UGT2B7: variants seen among roughly 807,000 people sequenced by gnomAD.
UGT2B7 encodes the protein UDP-glucuronosyltransferase 2B7.
UGT2B7 carries 51 observed loss-of-function variants against 51.9 expected under a neutral mutation model. The ratio of observed to expected loss-of-function variants is 0.98; its 90% CI spans 0.78 to 1.24. The LOEUF (loss-of-function observed/expected upper bound fraction) is 1.24. UGT2B7 is among the 50% of genes most tolerant of loss of function. The pLI is 0.00. For synonymous variants in UGT2B7, 225 were observed against 211.6 expected (o/e 1.06, Z -0.55); for missense variants, 727 against 628.4 (o/e 1.16, Z -1.68).
intron 5 of UGT2B7, among the ~76,000 whole-genome samples, chr4:69,111,493 C>T (rs1047816103): frequency 2.0e-5 from 3 of 152,096 alleles, no homozygotes; most frequent in African/African-American, 7.2e-5. Flanking sequence ...TGCATTTTCA[C>T]GATCTTTCTC....
At chr4:69,070,345 A>G (rs1308865563) in intron 1 of UGT2B7, among the ~76,000 whole-genome samples, 1 of 148,882 alleles carries the variant, frequency 6.7e-6, no homozygotes, top group South Asian at 2.1e-4. Flanking sequence ...GTTCGGAAGC[A>G]CATGTGCAAA....
chr4:69,101,511 T>C (rs1375008068), intron 2 of UGT2B7, among the ~76,000 whole-genome samples: 1 of 152,106 alleles, frequency 6.6e-6, no homozygotes, highest in African/African-American at 2.4e-5. Context: ...ATCAAGCTAG[T>C]GAGATGAAAC....
At chr4:69,109,808 CA>C (rs1447870642) in intron 5 of UGT2B7, among the ~76,000 whole-genome samples, 10 of 151,940 alleles carry the variant, frequency 6.6e-5, no homozygotes, top group African/African-American at 2.4e-4. Flanking sequence ...ACCATCAATT[CA>C]GCATTTATAG....
At chr4:69,071,385 AATACC>A (rs1308777997) in intron 1 of UGT2B7, among the ~76,000 whole-genome samples, 3 of 152,158 alleles carry the variant, frequency 2.0e-5, no homozygotes, top group Admixed American at 6.6e-5. Flanking sequence ...TAAAGAGCCA[AATACC>A]ATGTGCAACA....
intron 1 of UGT2B7, chr4:69,066,486 A>T (rs1347060347): frequency 1.3e-5 from 2 of 152,072 alleles, no homozygotes; most frequent in Admixed American, 6.6e-5. Context: ...TCTCGGTAAG[A>T]CTCTGAGGAT....
At chr4:69,097,277 A>C in intron 1 of UGT2B7, 36 bp downstream of exon 1, 2 of 1,585,032 alleles carry the variant, frequency 1.3e-6, no homozygotes, top group Non-Finnish European at 1.7e-6. Context: ...ATGAAGCTCT[A>C]ACTTATTTGT....
At chr4:69,095,786 C>G (rs114345653), upstream of UGT2B7, among the ~76,000 whole-genome samples, 2 of 152,078 alleles carry the variant, frequency 1.3e-5, no homozygotes, top group Non-Finnish European at 2.9e-5. Context: ...AACATGTATA[C>G]GCTATATCAT....
At chr4:69,065,587 T>C (rs1373146792) in intron 1 of UGT2B7, among the ~76,000 whole-genome samples, 1 of 152,216 alleles carries the variant, frequency 6.6e-6, no homozygotes, top group Non-Finnish European at 1.5e-5. Flanking sequence ...AAATTTTTTC[T>C]TGGAAGAAGC....
chr4:69,071,934 T>A (rs1255135830), intron 1 of UGT2B7, among the ~76,000 whole-genome samples: 1 of 152,110 alleles, frequency 6.6e-6, no homozygotes, highest in African/African-American at 2.4e-5. Flanking sequence ...TATATTTTTT[T>A]ATGAAACAAC....
chr4:69,108,132 C>A lies in UGT2B7; in HGVS notation c.1120C>A (p.His374Asn). 1 of 1,613,578 alleles carries A rather than the reference C, an allele frequency of 6.2e-7. No individual in the cohort carries two copies. The change falls in exon 5 of 6, where the codon CAT (histidine) becomes AAT (asparagine). Residue 374 changes from histidine to asparagine, a missense_variant. By Grantham distance (68) the His-to-Asn change is moderately conservative. Transcript: ENST00000305231. ...TCCAAAGACCAGAGCTTTTATAACT[C>A]ATGGTGGAGCCAATGGCATCTACGA... is the stretch of plus-strand genomic sequence containing the variant. ...GHPKTRAFITHGGANGIYEAI... is the reference protein window; with the variant it reads ...GHPKTRAFITNGGANGIYEAI...
Position 69,096,635 on chromosome 4 carries a change from A to T in UGT2B7, c.115A>T (p.Ile39Leu). ...WAAEYSHWMN[I>L]KTILDELIQR... ...AGCAGAATACAGCCATTGGATGAAT[A>T]TAAAGACAATCCTGGATGAGCTTAT... The change falls in exon 1 of 6, where the codon ATA (isoleucine) becomes TTA (leucine). Residue 39 changes from isoleucine (I) to leucine (L), a missense_variant. Transcript: ENST00000305231. 1 of 1,614,036 alleles carries T rather than the reference A, an allele frequency of 6.2e-7. No individual in the cohort carries two copies. The highest frequency in any genetic ancestry group is 8.5e-7 in the Non-Finnish European group (1 of 1,179,906).
At chr4:69,091,754 C>G (rs1719090033), upstream of UGT2B7, among the ~76,000 whole-genome samples, 1 of 152,040 alleles carries the variant, frequency 6.6e-6, no homozygotes, top group Admixed American at 6.6e-5. Context: ...GAGCCATTAG[C>G]TTAATGTCAA....
At chr4:69,075,973 C>T (rs1005086594) in intron 1 of UGT2B7, among the ~76,000 whole-genome samples, 2 of 152,024 alleles carry the variant, frequency 1.3e-5, no homozygotes, top group Non-Finnish European at 2.9e-5. Flanking sequence ...TGTTCCCCTC[C>T]CTGTGTCCAT....
At chr4:69,107,945 T>C (rs1355093290) in intron 4 of UGT2B7, among the ~76,000 whole-genome samples, 158 bp from the exon 5 acceptor site, 1 of 152,186 alleles carries the variant, frequency 6.6e-6, no homozygotes, top group Non-Finnish European at 1.5e-5. Context: ...TTCAGTTACA[T>C]ACCCAGTACA....
chr4:69,112,257 G>T (rs1385975586), intron 5 of UGT2B7, among the ~76,000 whole-genome samples, 200 bp from the exon 6 acceptor site: 2 of 152,130 alleles, frequency 1.3e-5, no homozygotes, highest in African/African-American at 4.8e-5. Flanking sequence ...AATCGATCAT[G>T]ACCCTCTCAC....
At chr4:69,064,607 T>G (rs1718448919) in intron 1 of UGT2B7, among the ~76,000 whole-genome samples, 1 of 152,232 alleles carries the variant, frequency 6.6e-6, no homozygotes, top group African/African-American at 2.4e-5. Flanking sequence ...CCTCTGTATC[T>G]CTGCTTTCAT....
intron 1 of UGT2B7, among the ~76,000 whole-genome samples, chr4:69,064,034 A>AAGACAGAAAGAAAGAC (rs1265440624): frequency 2.2e-5 from 2 of 91,008 alleles, no homozygotes; most frequent in Admixed American, 2.1e-4. Context: ...GAAAGAAAGA[A>AAGACAGAAAGAAAGAC]AGAAAGAAAG....
chr4:69,080,620 G>A (rs1206419202), intron 1 of UGT2B7, among the ~76,000 whole-genome samples: 7 of 151,592 alleles, frequency 4.6e-5, no homozygotes, highest in African/African-American at 2.4e-5. Flanking sequence ...TTAGCAAAAT[G>A]AGACGATTAA....
At chr4:69,089,105 A>G (rs2109878289) in intron 1 of UGT2B7, among the ~76,000 whole-genome samples, 1 of 152,094 alleles carries the variant, frequency 6.6e-6, no homozygotes, top group East Asian at 1.9e-4. Context: ...TTGTGTGGGA[A>G]TTAATGTTGG....
Sources: gnomAD v4.1 joint callset for allele counts (sites outside exome capture counted in the v4.1 genomes callset) on GRCh38, gnomAD v4.1.1 for gene constraint, MANE v1.5 for transcripts, NCBI Gene and HGNC (gene_info 2026-07-23, HGNC 2026-07-21) for gene names.